Variants in PLD5 observed in about 807,000 individuals in gnomAD.
PLD5 encodes the protein phospholipase D family member 5.
Under a neutral mutation model 61.1 loss-of-function variants are expected in PLD5, and 36 were observed. That is an observed-to-expected ratio of 0.59 (90% CI 0.45 to 0.78). PLD5 has a LOEUF of 0.78. Among genes scored for constraint, PLD5 ranks in the 30% least tolerant of loss-of-function variants. The pLI is 0.00. For synonymous variants in PLD5, 243 were observed against 242.8 expected (o/e 1.00, Z -0.01); for missense variants, 515 against 644.4 (o/e 0.80, Z 2.17).
intron 1 of PLD5, among the ~76,000 whole-genome samples, chr1:242,382,513 A>T (rs1662357376): frequency 1.3e-5 from 2 of 152,170 alleles, no homozygotes; most frequent in African/African-American, 4.8e-5. Context: ...TTCAAGCAGG[A>T]GGGAACATTT....
intron 1 of PLD5, among the ~76,000 whole-genome samples, chr1:242,486,464 T>G (rs1667964632): frequency 6.6e-6 from 1 of 152,088 alleles, no homozygotes; most frequent in Non-Finnish European, 1.5e-5. Context: ...GAAAAAATGC[T>G]CATCATCACT....
At chr1:242,119,933 T>A (rs2148720742) in intron 6 of PLD5, among the ~76,000 whole-genome samples, 1 of 152,312 alleles carries the variant, frequency 6.6e-6, no homozygotes, top group South Asian at 2.1e-4. Context: ...AATGCCCATC[T>A]GTTGACAGAC....
intron 1 of PLD5, among the ~76,000 whole-genome samples, chr1:242,509,745 A>G (rs563505900): frequency 6.6e-6 from 1 of 152,146 alleles, no homozygotes; most frequent in African/African-American, 2.4e-5. Context: ...GGCTTATAGG[A>G]TACACTTATG....
intron 1 of PLD5, among the ~76,000 whole-genome samples, chr1:242,368,272 T>C (rs939204563): frequency 6.6e-6 from 1 of 152,136 alleles, no homozygotes; most frequent in Admixed American, 6.6e-5. Context: ...TTCATTCCCC[T>C]TCATCAGAGC....
intron 1 of PLD5, among the ~76,000 whole-genome samples, chr1:242,423,779 C>T (rs1454856294): frequency 6.6e-6 from 1 of 152,126 alleles, no homozygotes; most frequent in African/African-American, 2.4e-5. Flanking sequence ...AGGTCATGGT[C>T]ATATTCACTG....
At chr1:242,113,208 GC>G (rs756674773) in intron 7 of PLD5, among the ~76,000 whole-genome samples, 5 of 149,558 alleles carry the variant, frequency 3.3e-5, no homozygotes, top group Non-Finnish European at 5.9e-5. Context: ...TCCCGCCTCA[GC>G]CTCCCGAGTA....
At chr1:242,125,355 T>A (rs1310430050) in intron 5 of PLD5, among the ~76,000 whole-genome samples, 1 of 152,076 alleles carries the variant, frequency 6.6e-6, no homozygotes, top group Non-Finnish European at 1.5e-5. Flanking sequence ...CAGAGATCAT[T>A]TTGTCCACCT....
chr1:242,168,814 C>G (rs376953536), intron 5 of PLD5, among the ~76,000 whole-genome samples: 4 of 142,894 alleles, frequency 2.8e-5, no homozygotes, highest in African/African-American at 1.1e-4. Flanking sequence ...CTCATTCACA[C>G]AGCTTATCCA....
At chr1:242,110,903 C>T (rs1661434145) in intron 7 of PLD5, among the ~76,000 whole-genome samples, 1 of 152,102 alleles carries the variant, frequency 6.6e-6, no homozygotes, top group African/African-American at 2.4e-5. Context: ...TTTATTATTC[C>T]TTTACACATT....
chr1:242,188,293 C>T (rs2148920713), intron 5 of PLD5, among the ~76,000 whole-genome samples: 1 of 152,118 alleles, frequency 6.6e-6, no homozygotes, highest in Middle Eastern at 3.4e-3. Flanking sequence ...AGGGAAGAAG[C>T]TATGAGGATA....
chr1:242,180,740 G>A (rs574479748), intron 5 of PLD5, among the ~76,000 whole-genome samples: 1 of 152,274 alleles, frequency 6.6e-6, no homozygotes, highest in African/African-American at 2.4e-5. Context: ...CAGCACTTTG[G>A]GAGACCAAGG....
intron 5 of PLD5, among the ~76,000 whole-genome samples, chr1:242,130,190 T>C (rs991847796): frequency 1.3e-5 from 2 of 152,066 alleles, no homozygotes; most frequent in East Asian, 3.9e-4. Flanking sequence ...TAGCTGTGAT[T>C]ACAGGCTCCC....
At chr1:242,414,557 A>G (rs1664721594) in intron 1 of PLD5, among the ~76,000 whole-genome samples, 1 of 152,210 alleles carries the variant, frequency 6.6e-6, no homozygotes, top group Non-Finnish European at 1.5e-5. Context: ...ATTAGAGACT[A>G]AGTAGCACTG....
intron 1 of PLD5, among the ~76,000 whole-genome samples, chr1:242,491,245 T>C (rs571827176): frequency 1.3e-5 from 2 of 152,368 alleles, no homozygotes; most frequent in South Asian, 4.1e-4. Flanking sequence ...CTAATCTCTT[T>C]CAAGTTGAGT....
chr1:242,169,591 C>T (rs1015686741), intron 5 of PLD5, among the ~76,000 whole-genome samples: 14 of 152,286 alleles, frequency 9.2e-5, no homozygotes, highest in East Asian at 1.9e-4. Flanking sequence ...CTATTCACCC[C>T]CCTGCAAAGG....
intron 1 of PLD5, among the ~76,000 whole-genome samples, chr1:242,486,264 C>T (rs77020822): frequency 0.31 from 47,360 of 151,968 alleles, 7,901 homozygotes; most frequent in Admixed American, 0.43. Flanking sequence ...AAACTACCAT[C>T]AGAGTGAACA....
chr1:242,122,398 A>G (rs1662452663), intron 6 of PLD5, among the ~76,000 whole-genome samples: 1 of 152,208 alleles, frequency 6.6e-6, no homozygotes, highest in Non-Finnish European at 1.5e-5. Context: ...TGATTATTCA[A>G]AATTTGTTCA....
In PLD5 at chr1:242,335,341, T is replaced by C. The variant is rs35384891; in HGVS notation, c.326+12765A>G. Among the ~76,000 whole-genome samples the C allele has an allele frequency of 4.3e-3, 659 of 152,272 alleles. 4 individuals carry two copies. The highest frequency in any genetic ancestry group is 5.8e-3 in the Non-Finnish European group (396 of 68,012). ...CTTTTAGTGGCTGGTATATTATAGA[T>C]ACACAATAAGTGATAGCTGTCATAA... On this transcript the variant is annotated intron_variant, in intron 2 of 9. Transcript: ENST00000536534.
At chr1:242,343,221 G>C (rs936840663) in intron 2 of PLD5, among the ~76,000 whole-genome samples, 12 of 151,826 alleles carry the variant, frequency 7.9e-5, no homozygotes, top group African/African-American at 2.9e-4. Flanking sequence ...GAAGTGAGGA[G>C]CGCTACACAC....
Sources: allele counts gnomAD v4.1 joint callset (sites outside exome capture counted in the v4.1 genomes callset), GRCh38; gene constraint gnomAD v4.1.1; transcripts MANE v1.5; gene names NCBI Gene and HGNC (gene_info 2026-07-23, HGNC 2026-07-21).